Variants in CFAP299 observed in about 807,000 individuals in gnomAD.
CFAP299 encodes cilia- and flagella-associated protein 299.
In CFAP299, 21 loss-of-function variants were observed where a neutral mutation model predicts 27.0. That is an observed-to-expected ratio of 0.78 (90% CI 0.55 to 1.12). The LOEUF (loss-of-function observed/expected upper bound fraction) is 1.12. Ranked by LOEUF, CFAP299 falls within the 50% of genes most tolerant of loss-of-function variation. The pLI is 0.00. For missense variants in CFAP299, 310 were observed against 276.6 expected (o/e 1.12, Z -0.86); for synonymous variants, 104 against 98.1 (o/e 1.06, Z -0.36).
intron 1 of CFAP299, among the ~76,000 whole-genome samples, chr4:80,337,134 A>G (rs987349316): frequency 6.6e-6 from 1 of 152,250 alleles, no homozygotes; most frequent in Admixed American, 6.5e-5. Context: ...CATCCAAGAC[A>G]CTGAAAAAGT....
chr4:80,806,996 A>G (rs1404709195), intron 3 of CFAP299, among the ~76,000 whole-genome samples: 1 of 152,170 alleles, frequency 6.6e-6, no homozygotes, highest in Non-Finnish European at 1.5e-5. Context: ...AGAAAGAATT[A>G]CCTTTGGGCT....
At chr4:80,608,925 G>A (rs571888984) in intron 3 of CFAP299, among the ~76,000 whole-genome samples, 1 of 151,582 alleles carries the variant, frequency 6.6e-6, no homozygotes, top group Admixed American at 6.6e-5. Context: ...ATTAAAAGGA[G>A]AAGAATAAAG....
chr4:80,898,678 T>A (rs1339071021), intron 4 of CFAP299, among the ~76,000 whole-genome samples: 1 of 151,980 alleles, frequency 6.6e-6, no homozygotes, highest in South Asian at 2.1e-4. Flanking sequence ...TGTAAGATAA[T>A]CTGAGAAAAT....
chr4:80,932,456 A>T (rs1386252808), intron 4 of CFAP299, among the ~76,000 whole-genome samples: 2 of 152,182 alleles, frequency 1.3e-5, no homozygotes, highest in African/African-American at 4.8e-5. Flanking sequence ...TACATGGAAT[A>T]TAACATTTCA....
At chr4:80,552,048 C>T (rs951781845) in intron 2 of CFAP299, among the ~76,000 whole-genome samples, 4 of 152,044 alleles carry the variant, frequency 2.6e-5, no homozygotes, top group African/African-American at 9.7e-5. Context: ...CATGCCCGGC[C>T]CGAAAGCTTT....
At chr4:80,513,096 A>G (rs946350310) in intron 2 of CFAP299, among the ~76,000 whole-genome samples, 1 of 152,162 alleles carries the variant, frequency 6.6e-6, no homozygotes, top group Non-Finnish European at 1.5e-5. Context: ...TAGCAAGACC[A>G]TATGCCTGTG....
intron 3 of CFAP299, among the ~76,000 whole-genome samples, chr4:80,656,835 C>T (rs754573402): frequency 3.9e-5 from 6 of 152,140 alleles, no homozygotes; most frequent in Non-Finnish European, 7.4e-5. Flanking sequence ...AATGTACACT[C>T]CCACCAACAG....
At chr4:80,807,639 T>C (rs1468698117) in intron 3 of CFAP299, among the ~76,000 whole-genome samples, 1 of 152,124 alleles carries the variant, frequency 6.6e-6, no homozygotes, top group Non-Finnish European at 1.5e-5. Context: ...CATGGCACAG[T>C]ATCCTGAAAA....
chr4:80,809,565 C>T (rs1729036880), intron 3 of CFAP299, among the ~76,000 whole-genome samples: 1 of 152,084 alleles, frequency 6.6e-6, no homozygotes, highest in Non-Finnish European at 1.5e-5. Flanking sequence ...CTAGTGCAGG[C>T]CCTTATCACC....
chr4:80,447,126 T>A (rs1291995630), intron 2 of CFAP299, among the ~76,000 whole-genome samples: 2 of 118,156 alleles, frequency 1.7e-5, no homozygotes, highest in African/African-American at 7.0e-5. Flanking sequence ...TTTGTTTTTT[T>A]TTTGTTTTTT....
intron 1 of CFAP299, among the ~76,000 whole-genome samples, chr4:80,356,700 T>A (rs950414527): frequency 6.6e-6 from 1 of 152,170 alleles, no homozygotes; most frequent in Non-Finnish European, 1.5e-5. Context: ...CCTGAGACTT[T>A]GCTGGAGTTG....
At chr4:80,348,759 T>A (rs1362468455) in intron 1 of CFAP299, among the ~76,000 whole-genome samples, 6 of 152,240 alleles carry the variant, frequency 3.9e-5, no homozygotes, top group Non-Finnish European at 1.5e-5. Context: ...ATGGGAGCCC[T>A]GGCTCCCATA....
chr4:80,746,545 C>A (rs1724606999), intron 3 of CFAP299, among the ~76,000 whole-genome samples: 1 of 151,958 alleles, frequency 6.6e-6, no homozygotes, highest in Non-Finnish European at 1.5e-5. Context: ...GGTTTTGGAG[C>A]AGTCTCTCCT....
At chr4:80,627,011 CAACA>C (rs70944797) in intron 3 of CFAP299, among the ~76,000 whole-genome samples, 48 of 151,256 alleles carry the variant, frequency 3.2e-4, no homozygotes, top group Non-Finnish European at 5.0e-4. Context: ...ACCTTGATAC[CAACA>C]AACAAACAAA....
At chr4:80,506,956 A>C (rs923892617) in intron 2 of CFAP299, among the ~76,000 whole-genome samples, 3 of 152,182 alleles carry the variant, frequency 2.0e-5, no homozygotes, top group Admixed American at 6.6e-5. Context: ...CTATCTAACA[A>C]TATTTTAAAT....
In CFAP299 at chr4:80,897,544, G is replaced by A. The variant is rs1311516018; in HGVS notation, c.476+27409G>A. ...ACTGAAGAAACAGATTCTAGGTTTAGCTTTCATAATAACTCTTAAAGCCAT... is the reference window on the plus strand; with the variant it reads ...ACTGAAGAAACAGATTCTAGGTTTAACTTTCATAATAACTCTTAAAGCCAT... On this transcript the variant is annotated intron_variant, in intron 4 of 5. Transcript: ENST00000358105. Among the ~76,000 whole-genome samples the A allele has an allele frequency of 5.9e-5, 9 of 152,260 alleles. No homozygotes were observed. In the East Asian group the frequency reaches 1.7e-3, roughly 29 times the overall value.
intron 2 of CFAP299, among the ~76,000 whole-genome samples, chr4:80,479,519 A>G (rs1730450215): frequency 6.6e-6 from 1 of 152,016 alleles, no homozygotes; most frequent in South Asian, 2.1e-4. Context: ...ATGTGAATAC[A>G]CTGGGGAAAA....
chr4:80,875,870 T>A (rs920019319), intron 4 of CFAP299, among the ~76,000 whole-genome samples: 2 of 152,022 alleles, frequency 1.3e-5, no homozygotes, highest in Non-Finnish European at 2.9e-5. Flanking sequence ...TGGTTTAAAC[T>A]GCTATCTTAG....
At chr4:80,766,773 A>C (rs1037765690) in intron 3 of CFAP299, among the ~76,000 whole-genome samples, 8 of 152,224 alleles carry the variant, frequency 5.3e-5, no homozygotes, top group Non-Finnish European at 1.0e-4. Flanking sequence ...ACACTATTTG[A>C]CTAAAATTTT....
Sources: allele counts gnomAD v4.1 joint callset (sites outside exome capture counted in the v4.1 genomes callset), GRCh38; gene constraint gnomAD v4.1.1; transcripts MANE v1.5; gene names NCBI Gene and HGNC (gene_info 2026-07-23, HGNC 2026-07-21).